The following LY75 variants were observed in gnomAD, a reference collection of about 807,000 sequenced individuals.
LY75 encodes the protein C-type lectin domain family 13 member B.
LY75 carries 185 observed loss-of-function variants against 231.7 expected under a neutral mutation model. The observed-to-expected ratio is 0.80, with a 90% CI of 0.71 to 0.90. LY75 has a LOEUF of 0.90. LY75 is among the 40% of genes least tolerant of loss of function. LY75 has a pLI of 0.00. For missense variants in LY75, 1,947 were observed against 2,050.2 expected (o/e 0.95, Z 0.97); for synonymous variants, 668 against 689.0 (o/e 0.97, Z 0.48).
intron 25 of LY75, among the ~76,000 whole-genome samples, chr2:159,839,171 T>C (rs976811848): frequency 1.3e-5 from 2 of 152,218 alleles, no homozygotes; most frequent in African/African-American, 2.4e-5. Flanking sequence ...CTACTTTTAA[T>C]TGAGCTTTTG....
At chr2:159,817,153 G>T in intron 29 of LY75, 121 bp from the exon 30 acceptor site, 1 of 1,037,050 alleles carries the variant, frequency 9.6e-7, no homozygotes, top group Non-Finnish European at 1.3e-6. Flanking sequence ...TAATAAGGGA[G>T]GTCAAATGTA....
At chr2:159,881,396 G>T in intron 7 of LY75, 156 bp from the exon 8 acceptor site, 1 of 519,548 alleles carries the variant, frequency 1.9e-6, no homozygotes, top group Non-Finnish European at 2.5e-6. Context: ...AGGCAGGTTG[G>T]GTAATGAAGG....
intron 31 of LY75, among the ~76,000 whole-genome samples, chr2:159,811,046 A>AT (rs942019111): frequency 3.3e-5 from 5 of 151,864 alleles, no homozygotes; most frequent in African/African-American, 4.8e-5. Flanking sequence ...GTTTATTATT[A>AT]TTTTTTTTAG....
intron 28 of LY75, among the ~76,000 whole-genome samples, chr2:159,825,050 A>G (rs1207067627): frequency 6.6e-6 from 1 of 152,240 alleles, no homozygotes; most frequent in East Asian, 1.9e-4. Context: ...TAAAAGAAGT[A>G]GAGAAGCAAC....
intron 4 of LY75, among the ~76,000 whole-genome samples, chr2:159,888,421 A>C (rs1685658058): frequency 6.6e-6 from 1 of 152,160 alleles, no homozygotes; most frequent in African/African-American, 2.4e-5. Context: ...CTATATGTTG[A>C]TATTCAAATC....
intron 28 of LY75, among the ~76,000 whole-genome samples, chr2:159,826,114 G>A (rs1284034286): frequency 6.6e-6 from 1 of 152,118 alleles, no homozygotes; most frequent in Non-Finnish European, 1.5e-5. Context: ...AGGGCAATCT[G>A]GCAAGAGAAA....
chr2:159,871,946 C>T (rs1685025526), intron 13 of LY75: 1 of 152,522 alleles, frequency 6.6e-6, no homozygotes, highest in Non-Finnish European at 1.5e-5. Context: ...AATTTCATAT[C>T]CAAATTCCAT....
chr2:159,870,105 C>T (rs1265059898), intron 13 of LY75, among the ~76,000 whole-genome samples: 4 of 152,148 alleles, frequency 2.6e-5, no homozygotes, highest in African/African-American at 7.2e-5. Context: ...ATTCCCAGTA[C>T]ACTGTAGTGA....
chr2:159,836,444 G>A (rs1214540396), intron 25 of LY75, among the ~76,000 whole-genome samples: 1 of 152,062 alleles, frequency 6.6e-6, no homozygotes, highest in African/African-American at 2.4e-5. Flanking sequence ...CCAAGGTCCT[G>A]ACCACCCATC....
At chr2:159,829,274 A>G (rs1332941991) in intron 28 of LY75, among the ~76,000 whole-genome samples, 2 of 152,164 alleles carry the variant, frequency 1.3e-5, no homozygotes, top group African/African-American at 2.4e-5. Flanking sequence ...GCTGCTTTAT[A>G]TCATCTCATG....
Position 159,875,630 on chromosome 2 carries a change from G to A in LY75, c.1788C>T (p.Gly596=), listed in dbSNP as rs757961872. ...ACTTTCCAGTAGACATAGCCACGCA[G>A]CCGCCCGGGGAAGCTGGGATTGAAG... is the stretch of plus-strand genomic sequence containing the variant. ...WNFLEPASPG[G]CVAMSTGKSV... is the part of the protein sequence containing the mutation. Residue 596 remains glycine, a synonymous_variant, in exon 12 of 35, where the codon GGC becomes GGT. Coordinates refer to ENST00000263636, the MANE Select transcript of LY75 (RefSeq NM_002349.4). 1.9e-6 allele frequency: 3 copies of A among 1,613,874 alleles called. No homozygotes were observed. In the East Asian group the frequency reaches 6.7e-5, roughly 36 times the overall value.
intron 13 of LY75, among the ~76,000 whole-genome samples, chr2:159,871,077 T>C (rs375119509): frequency 1.3e-5 from 2 of 152,288 alleles, no homozygotes; most frequent in East Asian, 3.9e-4. Context: ...GGAAATGCAC[T>C]TAACAATGCT....
At chr2:159,903,454 A>G (rs747224476) in intron 1 of LY75, 13 of 152,212 alleles carry the variant, frequency 8.5e-5, no homozygotes, top group Non-Finnish European at 1.9e-4. Flanking sequence ...AGTTCCTAGC[A>G]CACAGGGTCA....
At position 159,831,600 on chromosome 2, in the gene LY75, T is replaced by G. The variant is rs549116102; in HGVS notation, c.3958+70A>C. 5.3e-6 allele frequency: 8 copies of G among 1,521,968 alleles called. No individual in the cohort carries two copies. The East Asian group carries it at 1.8e-4, about 35-fold the overall frequency. The allele number at this position is 1,521,968 out of a possible 1,614,324, so 94.3% of individuals were successfully genotyped here. On this transcript the variant is annotated intron_variant, in intron 28 of 34. Transcript: ENST00000263636. Reference sequence around the variant, plus strand: ...TTGATAGACATGTACTTTGAAGAACTATGGCTTGATAATTATGTTATAATG... The same window carrying G: ...TTGATAGACATGTACTTTGAAGAACGATGGCTTGATAATTATGTTATAATG...
chr2:159,886,031 C>A, intron 5 of LY75, among the ~76,000 whole-genome samples: 1 of 152,048 alleles, frequency 6.6e-6, no homozygotes, highest in East Asian at 1.9e-4. Flanking sequence ...TGGGGAGAGA[C>A]CCCAAGAGTT....
At chr2:159,834,524 T>C (rs1683761287) in intron 26 of LY75, among the ~76,000 whole-genome samples, 1 of 152,222 alleles carries the variant, frequency 6.6e-6, no homozygotes, top group African/African-American at 2.4e-5. Context: ...CCCCTAGAGA[T>C]GCTGTACAAA....
At chr2:159,872,819 C>T (rs1217404382) in intron 12 of LY75, among the ~76,000 whole-genome samples, 1 of 152,092 alleles carries the variant, frequency 6.6e-6, no homozygotes, top group African/African-American at 2.4e-5. Context: ...GATGGATGGC[C>T]TTCCTCAGCC....
intron 28 of LY75, among the ~76,000 whole-genome samples, chr2:159,820,317 T>A (rs1171131437): frequency 6.6e-6 from 1 of 152,192 alleles, no homozygotes; most frequent in Non-Finnish European, 1.5e-5. Context: ...GAAAATGTGG[T>A]AATGTGGTAT....
At chr2:159,901,927 T>C (rs1211548322) in intron 1 of LY75, among the ~76,000 whole-genome samples, 1 of 152,234 alleles carries the variant, frequency 6.6e-6, no homozygotes, top group East Asian at 1.9e-4. Context: ...CCCGTATCTT[T>C]CTTTAACCTT....
Sources: allele counts gnomAD v4.1 joint callset (sites outside exome capture counted in the v4.1 genomes callset), GRCh38; gene constraint gnomAD v4.1.1; transcripts MANE v1.5; gene names NCBI Gene and HGNC (gene_info 2026-07-23, HGNC 2026-07-21).